The following VILL variants were observed in gnomAD, a reference collection of about 807,000 sequenced individuals.
VILL encodes the protein villin like, also known as villin-like protein.
Under a neutral mutation model 106.3 loss-of-function variants are expected in VILL, and 102 were observed. The observed-to-expected ratio is 0.96, with a 90% confidence interval of 0.82 to 1.13. VILL has a LOEUF of 1.13. Among genes scored for constraint, VILL ranks in the 50% most tolerant of loss-of-function variants. The pLI is 0.00. For synonymous variants in VILL, 431 were observed against 440.3 expected, an observed-to-expected ratio of 0.98 and a Z score of 0.27; for missense variants, 1,076 against 1,116.6, an observed-to-expected ratio of 0.96 and a Z score of 0.52.
intron 16 of VILL, among the ~76,000 whole-genome samples, chr3:38,005,337 C>T (rs1034147931): frequency 1.2e-4 from 19 of 152,050 alleles, no homozygotes; most frequent in Non-Finnish European, 2.2e-4. Flanking sequence ...CTGAACATGC[C>T]GGGCACACGG....
chr3:37,989,313 C>T (rs1699583473), upstream of VILL, among the ~76,000 whole-genome samples: 1 of 152,176 alleles, frequency 6.6e-6, no homozygotes. Context: ...AAGATGGAGA[C>T]TTAGGCCGGG....
chr3:38,007,045 GCTT>G lies in VILL; in HGVS notation c.2567_2569del (p.Phe856del). 2 of 1,614,026 alleles carry G rather than the reference GCTT, an allele frequency of 1.2e-6. No individual in the cohort carries two copies. The highest frequency in any genetic ancestry group is 8.5e-7 in the Non-Finnish European group (1 of 1,179,942). On this transcript the variant is annotated inframe_deletion, in exon 20 of 20. Coordinates refer to ENST00000383759, the MANE Select transcript of VILL (RefSeq NM_015873.4). Reference sequence around the variant, plus strand: ...CAGCGGCAGGAGAAAAAGCAGCTGGGCTTCTTCTGAACCCAAGCCCTCTCGACT... The same window carrying G: ...CAGCGGCAGGAGAAAAAGCAGCTGGGCTTCTGAACCCAAGCCCTCTCGACT...
Position 37,993,942 on chromosome 3 carries a change from T to C in VILL, c.105T>C (p.Phe35=). Residue 35 remains phenylalanine (F), a synonymous_variant, in exon 3 of 20, where the codon TTT becomes TTC. Coordinates refer to ENST00000383759, the MANE Select transcript of VILL (RefSeq NM_015873.4). ...VPVPEGAYGN[F]FEEHCYVILH... is the part of the protein sequence containing the mutation. Reference sequence around the variant, plus strand: ...TACCCGAGGGGGCTTACGGGAACTTTTTTGAGGAACACTGCTATGTCATCC... The same window carrying C: ...TACCCGAGGGGGCTTACGGGAACTTCTTTGAGGAACACTGCTATGTCATCC... 1 of 1,614,124 alleles carries C rather than the reference T, an allele frequency of 6.2e-7. No individual in the cohort carries two copies.
intron 5 of VILL, among the ~76,000 whole-genome samples, chr3:37,996,817 GCA>G (rs1699709536): frequency 1.3e-5 from 2 of 152,056 alleles, no homozygotes; most frequent in African/African-American, 4.8e-5. Context: ...ATGTGTATAT[GCA>G]CACACACAAA....
At position 38,006,520 on chromosome 3, in the gene VILL, C is replaced by T. The variant is rs1235039323; in HGVS notation, c.2277C>T (p.Leu759=). 1 of 1,613,024 alleles carries T rather than the reference C, an allele frequency of 6.2e-7. No homozygotes were observed. Among genetic ancestry groups the T allele is most frequent in the Non-Finnish European group, 8.5e-7 (1 of 1,179,148 alleles). Residue 759 remains leucine, a synonymous_variant, in exon 19 of 20, where the codon CTC becomes CTT. Transcript: ENST00000383759. ...GRAGAVALQA[L]KGSQDSSEND... ...CAGGTGCCGTGGCCCTGCAGGCCCT[C>T]AAGGGCTCCCAGGACAGCTCAGAGA...
Position 37,998,994 on chromosome 3 carries a change from A to C in VILL, c.1025A>C (p.Gln342Pro). ...GGCGCCGAGTCGGCCGCGTTCAAGCAGCTCTTCCGGACTTGGTCTGAGAAG... is the reference window on the plus strand; with the variant it reads ...GGCGCCGAGTCGGCCGCGTTCAAGCCGCTCTTCCGGACTTGGTCTGAGAAG... ...NDGAESAAFK[Q>P]LFRTWSEKRR... The change falls in exon 10 of 20, where the codon CAG becomes CCG. Residue 342 changes from glutamine to proline, a missense_variant. Coordinates refer to ENST00000383759, the MANE Select transcript of VILL (RefSeq NM_015873.4). This position sits in a 1 kb window ranked among gnomAD's most constrained non-coding sequence, Gnocchi z 4.1. 3 of 1,606,044 alleles carry C rather than the reference A, an allele frequency of 1.9e-6. No individual in the cohort carries two copies. The highest frequency in any genetic ancestry group is 2.5e-6 in the Non-Finnish European group (3 of 1,176,474).
At chr3:37,989,589 G>A (rs374150399), upstream of VILL, among the ~76,000 whole-genome samples, 36 of 152,266 alleles carry the variant, frequency 2.4e-4, no homozygotes, top group East Asian at 6.0e-3. Context: ...CAAACAGAGC[G>A]GGTGGGCTGA....
At chr3:38,006,102 TC>T in intron 17 of VILL, 78 bp from the exon 18 acceptor site, 1 of 1,606,558 alleles carries the variant, frequency 6.2e-7, no homozygotes, top group East Asian at 2.2e-5. Flanking sequence ...CCTGGTCTTG[TC>T]CTCAGGCCCC....
chr3:37,995,139 G>A (rs563746002), intron 4 of VILL, among the ~76,000 whole-genome samples: 1 of 152,288 alleles, frequency 6.6e-6, no homozygotes, highest in African/African-American at 2.4e-5. Flanking sequence ...TTTTGAGTTT[G>A]CTTTTATGTT....
intron 14 of VILL, 132 bp downstream of exon 14, chr3:38,002,707 A>G (rs1699841971): frequency 9.3e-7 from 1 of 1,076,680 alleles, no homozygotes; most frequent in African/African-American, 1.6e-5. Flanking sequence ...GGGGAGGGGA[A>G]GAAGCCACAG....
At chr3:37,989,422 A>T (rs1027161163), upstream of VILL, among the ~76,000 whole-genome samples, 1 of 152,132 alleles carries the variant, frequency 6.6e-6, no homozygotes, top group Non-Finnish European at 1.5e-5. Context: ...AACAAACAGG[A>T]GTGAAGGCCC....
At position 37,997,968 on chromosome 3, in the gene VILL, C is replaced by T. The variant is rs1699736208; in HGVS notation, c.765-122C>T. On this transcript the variant is annotated intron_variant, in intron 7 of 19. Coordinates refer to ENST00000383759, the MANE Select transcript of VILL (RefSeq NM_015873.4). The surrounding 1 kb of genome is among the most constrained non-coding windows in gnomAD (Gnocchi z 4.7). ...TGCAGTAAAAGTGAAGACTACAACT[C>T]GGGGCCCCAGCCCCCATGCCTTCTG... 7.6e-6 allele frequency: 8 copies of T among 1,047,308 alleles called. No homozygotes were observed. Among genetic ancestry groups the T allele is most frequent in the East Asian group, 5.2e-5 (2 of 38,302 alleles). 64.9% of individuals were successfully genotyped at this position (1,047,308 alleles called of 1,614,324 possible).
Position 37,993,591 on chromosome 3 carries a change from A to G in VILL, c.-82A>G. ...AAGTCATGTTCTATAATGAAGTTGTACAGGTAGCCAGGTGTCGGTCTCCAG... is the reference window on the plus strand; with the variant it reads ...AAGTCATGTTCTATAATGAAGTTGTGCAGGTAGCCAGGTGTCGGTCTCCAG... On this transcript the variant is annotated 5_prime_UTR_variant, in exon 2 of 20. Coordinates refer to ENST00000383759, the MANE Select transcript of VILL (RefSeq NM_015873.4). 3.0e-6 allele frequency: 4 copies of G among 1,326,452 alleles called. No individual in the cohort carries two copies. The highest frequency in any genetic ancestry group is 4.3e-6 in the Non-Finnish European group (4 of 932,528). 82.2% of individuals were successfully genotyped at this position (1,326,452 alleles called of 1,614,324 possible).
Position 37,997,056 on chromosome 3 carries a change from C to G in VILL, c.451-21C>G. The G allele has an allele frequency of 6.2e-7, 1 of 1,608,240 alleles. No individual in the cohort carries two copies. On this transcript the variant is annotated intron_variant, in intron 5 of 19. Transcript: ENST00000383759. This position sits in a 1 kb window ranked among gnomAD's most constrained non-coding sequence, Gnocchi z 4.7. ...GGATGCTGGTGGTATGACACTCTGT[C>G]TCTCTCCCTGGCTCTGGCAGGTGGA...
In VILL at chr3:37,998,605, G is replaced by A. The variant is rs376459625; in HGVS notation, c.942+241G>A. Among the ~76,000 whole-genome samples, 78 of 152,276 alleles carry A rather than the reference G, an allele frequency of 5.1e-4. No individual in the cohort carries two copies. The highest frequency in any genetic ancestry group is 1.9e-3 in the African/African-American group (77 of 41,564). ...CACGTGGCCCTGCCTTCAGGTCTGG[G>A]GCCCTACTGACTGGGCGGTCCCGCT... On this transcript the variant is annotated intron_variant, in intron 9 of 19. Coordinates refer to ENST00000383759, the MANE Select transcript of VILL (RefSeq NM_015873.4). This position sits in a 1 kb window ranked among gnomAD's most constrained non-coding sequence, Gnocchi z 4.1.
rs769985785 is a variant in VILL, at chr3:37,997,767, C to A, written c.764+82C>A. ...TCACTACTGCAATAACACGGCATCT[C>A]TAGAAGGCCCTCCAGCAAAGGCTGC... is the stretch of plus-strand genomic sequence containing the variant. On this transcript the variant is annotated intron_variant, in intron 7 of 19. Transcript: ENST00000383759. This position sits in a 1 kb window ranked among gnomAD's most constrained non-coding sequence, Gnocchi z 4.7. 2.8e-6 allele frequency: 4 copies of A among 1,437,134 alleles called. No individual in the cohort carries two copies. Among genetic ancestry groups the A allele is most frequent in the Non-Finnish European group, 3.8e-6 (4 of 1,066,404 alleles). 89.0% of individuals were successfully genotyped at this position (1,437,134 alleles called of 1,614,324 possible).
intron 2 of VILL, 66 bp from the exon 3 acceptor site, chr3:37,993,832 C>A (rs1294209065): frequency 8.1e-6 from 13 of 1,607,006 alleles, no homozygotes; most frequent in African/African-American, 1.3e-5. Context: ...TCCTCTTCCA[C>A]CCCACCCCAG....
Position 38,001,436 on chromosome 3 carries a change from A to G in VILL, c.1183-20A>G. 1 of 1,612,624 alleles carries G rather than the reference A, an allele frequency of 6.2e-7. No individual in the cohort carries two copies. The highest frequency in any genetic ancestry group is 2.2e-5 in the East Asian group (1 of 44,884). ...TCAGGAAGAGCAGCCACCTGTGCCC[A>G]TTGGTCCCTTATTCCCCAGGTGTGG... On this transcript the variant is annotated intron_variant, in intron 11 of 19. Coordinates refer to ENST00000383759, the MANE Select transcript of VILL (RefSeq NM_015873.4).
In VILL at chr3:37,998,224, C is replaced by T; in HGVS notation, c.844-42C>T. 2 of 1,613,736 alleles carry T rather than the reference C, an allele frequency of 1.2e-6. No individual in the cohort carries two copies. Among genetic ancestry groups the T allele is most frequent in the Non-Finnish European group, 1.7e-6 (2 of 1,179,664 alleles). On this transcript the variant is annotated intron_variant, in intron 8 of 19. Transcript: ENST00000383759. This position sits in a 1 kb window ranked among gnomAD's most constrained non-coding sequence, Gnocchi z 4.1. ...TCCTTCCCCATCCACAACCCCAGCC[C>T]AGTCTGGACCACCTACTGACCAGCC... is the stretch of plus-strand genomic sequence containing the variant.
Sources: gnomAD v4.1 joint callset for allele counts (sites outside exome capture counted in the v4.1 genomes callset) on GRCh38, gnomAD v4.1.1 for gene constraint, Gnocchi (gnomAD v3.1) non-coding constraint, MANE v1.5 for transcripts, NCBI Gene and HGNC (gene_info 2026-07-23, HGNC 2026-07-21) for gene names.